CACNA1C: variants seen among roughly 807,000 people sequenced by gnomAD.
CACNA1C encodes calcium voltage-gated channel subunit alpha1 C, also known as voltage-dependent L-type calcium channel subunit alpha-1C.
Under a neutral mutation model 229.0 loss-of-function variants are expected in CACNA1C, and 30 were observed. The observed-to-expected ratio is 0.13, with a 90% CI of 0.10 to 0.18. The LOEUF is 0.18. Among genes scored for constraint, CACNA1C ranks in the 10% least tolerant of loss-of-function variants. The pLI, the probability that CACNA1C is intolerant of heterozygous loss-of-function variation, is 1.00. For missense variants in CACNA1C, 1,658 were observed against 2,845.0 expected, an observed-to-expected ratio of 0.58 and a Z score of 9.49; for synonymous variants, 1,114 against 1,132.5, an observed-to-expected ratio of 0.98 and a Z score of 0.33.
At chr12:1,976,664 G>T (rs1488248943) in intron 1 of CACNA1C, among the ~76,000 whole-genome samples, 1 of 152,146 alleles carries the variant, frequency 6.6e-6, no homozygotes, top group African/African-American at 2.4e-5. Context: ...TAGCCATATA[G>T]TTACTTTAAA....
intron 3 of CACNA1C, among the ~76,000 whole-genome samples, chr12:2,309,845 G>A (rs1263850557): frequency 6.6e-6 from 1 of 152,202 alleles, no homozygotes; most frequent in East Asian, 1.9e-4. Flanking sequence ...GTGGAGCAGC[G>A]AAACACCAAG....
chr12:2,186,241 C>G (rs1423602147), intron 3 of CACNA1C, among the ~76,000 whole-genome samples: 1 of 152,172 alleles, frequency 6.6e-6, no homozygotes, highest in Non-Finnish European at 1.5e-5. Flanking sequence ...TGGTTCCCTC[C>G]CGGCATTTAG....
chr12:2,077,924 G>A (rs554866714), intron 1 of CACNA1C, among the ~76,000 whole-genome samples: 48 of 152,246 alleles, frequency 3.2e-4, no homozygotes, highest in Non-Finnish European at 6.0e-4. Flanking sequence ...AGGAAATTTA[G>A]GATAACAATT....
intron 1 of CACNA1C, among the ~76,000 whole-genome samples, chr12:2,056,361 G>A (rs1016801971): frequency 3.3e-5 from 5 of 152,128 alleles, no homozygotes; most frequent in Non-Finnish European, 7.4e-5. Context: ...CTCGCCTCTG[G>A]TGCCCTGTCT....
At chr12:2,594,767 A>G (rs1427959387) in intron 19 of CACNA1C, among the ~76,000 whole-genome samples, 1 of 152,140 alleles carries the variant, frequency 6.6e-6, no homozygotes, top group Non-Finnish European at 1.5e-5. Flanking sequence ...TGTGACCCCA[A>G]CACTTCCTCT....
chr12:2,466,184 G>A (rs1489492181), intron 5 of CACNA1C, among the ~76,000 whole-genome samples: 1 of 152,150 alleles, frequency 6.6e-6, no homozygotes, highest in African/African-American at 2.4e-5. Flanking sequence ...TGCTAAAAGC[G>A]GCTTTTCTGA....
intron 1 of CACNA1C, among the ~76,000 whole-genome samples, chr12:2,038,307 C>CT (rs1342041753): frequency 6.6e-6 from 1 of 152,138 alleles, no homozygotes; most frequent in African/African-American, 2.4e-5. Flanking sequence ...CGGTGGCACT[C>CT]TGACAGAGAT....
At chr12:2,341,351 G>C (rs2096856350) in intron 3 of CACNA1C, among the ~76,000 whole-genome samples, 1 of 152,202 alleles carries the variant, frequency 6.6e-6, no homozygotes, top group African/African-American at 2.4e-5. Flanking sequence ...TTTTTCATCT[G>C]TTCCAGCGAG....
chr12:2,677,712 C>T lies in CACNA1C; in HGVS notation c.4957-21C>T. 1 of 1,609,534 alleles carries T rather than the reference C, an allele frequency of 6.2e-7. No homozygotes were observed. Among genetic ancestry groups the T allele is most frequent in the Non-Finnish European group, 8.5e-7 (1 of 1,178,162 alleles). On this transcript the variant is annotated intron_variant, in intron 40 of 46. Coordinates refer to ENST00000399655, the MANE Select transcript of CACNA1C (RefSeq NM_000719.7). This position sits in a 1 kb window ranked among gnomAD's most constrained non-coding sequence, Gnocchi z 7.4. Reference sequence around the variant, plus strand: ...GGAGGAAAGGGAGCGTGGTCCTCACCATCCTCCCCTTGGATTCCAGGCTGG... The same window carrying T: ...GGAGGAAAGGGAGCGTGGTCCTCACTATCCTCCCCTTGGATTCCAGGCTGG...
rs1443170992 is a variant in CACNA1C, at chr12:2,575,330, G to A, written c.1896-6260G>A. Among the ~76,000 whole-genome samples, 1 of 152,134 alleles carries A rather than the reference G, an allele frequency of 6.6e-6. No homozygotes were observed. Among genetic ancestry groups the A allele is most frequent in the Non-Finnish European group, 1.5e-5 (1 of 68,024 alleles). Reference sequence around the variant, plus strand: ...GGTTGTCCCAGACCAAAATACTCTAGAATTCTGCTTGACTCCTCCTGGCCC... The same window carrying A: ...GGTTGTCCCAGACCAAAATACTCTAAAATTCTGCTTGACTCCTCCTGGCCC... On this transcript the variant is annotated intron_variant, in intron 13 of 46. Coordinates refer to ENST00000399655, the MANE Select transcript of CACNA1C (RefSeq NM_000719.7). This position sits in a 1 kb window ranked among gnomAD's most constrained non-coding sequence, Gnocchi z 4.0.
At chr12:2,037,459 C>T (rs1417271638) in intron 1 of CACNA1C, among the ~76,000 whole-genome samples, 2 of 152,124 alleles carry the variant, frequency 1.3e-5, no homozygotes. Flanking sequence ...ATCTTCGGGC[C>T]CCACTTGGTC....
rs138768129 is a variant in CACNA1C at position 2,093,443 on chromosome 12, A to G, written c.50-21781A>G. Among the ~76,000 whole-genome samples, 327 of 152,330 alleles carry G rather than the reference A, an allele frequency of 2.1e-3. 1 individual carries two copies. The highest frequency in any genetic ancestry group is 7.5e-3 in the African/African-American group (311 of 41,558). ...ATGTTGGAGCAGGAGGAGAAGTTAC[A>G]TGGATATAAGAAAGGCAGTGACCAA... On this transcript the variant is annotated intron_variant, in intron 1 of 46. Coordinates refer to ENST00000399655, the MANE Select transcript of CACNA1C (RefSeq NM_000719.7).
intron 39 of CACNA1C, chr12:2,676,874 G>T: frequency 2.4e-6 from 1 of 414,938 alleles, no homozygotes; most frequent in South Asian, 3.7e-5. Context: ...TGATCTACAG[G>T]AGGTGGTGAC....
intron 3 of CACNA1C, among the ~76,000 whole-genome samples, chr12:2,372,973 C>A (rs1429969285): frequency 6.6e-6 from 1 of 152,226 alleles, no homozygotes; most frequent in Non-Finnish European, 1.5e-5. Context: ...ACTCACCATC[C>A]AAAGGAATGC....
intron 3 of CACNA1C, among the ~76,000 whole-genome samples, chr12:2,425,278 A>G (rs377627954): frequency 7.9e-4 from 120 of 152,380 alleles, no homozygotes; most frequent in African/African-American, 2.8e-3. Context: ...AAGCAAAAAT[A>G]GGGAATATAA....
intron 11 of CACNA1C, among the ~76,000 whole-genome samples, chr12:2,561,062 G>C (rs71458004): frequency 6.6e-6 from 1 of 152,130 alleles, no homozygotes; most frequent in African/African-American, 2.4e-5. Context: ...CTTCCAGAGG[G>C]AGGTAGTACA....
At chr12:2,249,965 C>T (rs954860988) in intron 3 of CACNA1C, among the ~76,000 whole-genome samples, 1 of 152,102 alleles carries the variant, frequency 6.6e-6, no homozygotes, top group Non-Finnish European at 1.5e-5. Flanking sequence ...CCCGCCACCA[C>T]GCCTGGCTAA....
intron 9 of CACNA1C, among the ~76,000 whole-genome samples, chr12:2,548,591 T>A (rs774605779): frequency 2.2e-4 from 33 of 152,224 alleles, no homozygotes; most frequent in Non-Finnish European, 3.4e-4. Flanking sequence ...GGATTTTTTT[T>A]AATTCAATTT....
At chr12:2,314,795 T>A (rs1342831634) in intron 3 of CACNA1C, among the ~76,000 whole-genome samples, 1 of 152,246 alleles carries the variant, frequency 6.6e-6, no homozygotes, top group African/African-American at 2.4e-5. Context: ...CTTTTTTTAA[T>A]GGAGAACATA....
Sources: allele counts gnomAD v4.1 joint callset (sites outside exome capture counted in the v4.1 genomes callset), GRCh38; gene constraint gnomAD v4.1.1; non-coding constraint Gnocchi (gnomAD v3.1); transcripts MANE v1.5; gene names NCBI Gene and HGNC (gene_info 2026-07-23, HGNC 2026-07-21).